The following NEK1 variants were observed in gnomAD, a reference collection of about 807,000 sequenced individuals.
NEK1 encodes the protein NIMA related kinase 1.
In NEK1, 137 loss-of-function variants were observed where a neutral mutation model predicts 182.1. The ratio of observed to expected loss-of-function variants is 0.75; its 90% confidence interval spans 0.65 to 0.87. The LOEUF is 0.87. NEK1 is among the 40% of genes least tolerant of loss of function. NEK1 has a pLI of 0.00. For missense variants in NEK1, 1,391 were observed against 1,494.4 expected (o/e 0.93, Z 1.14); for synonymous variants, 513 against 492.2 (o/e 1.04, Z -0.56).
At chr4:169,597,145 T>C (rs927100170) in intron 5 of NEK1, among the ~76,000 whole-genome samples, 2 of 152,234 alleles carry the variant, frequency 1.3e-5, no homozygotes, top group African/African-American at 4.8e-5. Flanking sequence ...CAATGAAATA[T>C]ATCTGACAAT....
At chr4:169,481,516 A>C (rs1054442846) in intron 23 of NEK1, among the ~76,000 whole-genome samples, 1 of 152,182 alleles carries the variant, frequency 6.6e-6, no homozygotes, top group East Asian at 1.9e-4. Context: ...AACAACATGA[A>C]TCTCTTTGTA....
intron 19 of NEK1, among the ~76,000 whole-genome samples, chr4:169,526,155 C>T (rs10006588): frequency 0.088 from 13,454 of 152,108 alleles, 786 homozygotes; most frequent in African/African-American, 0.16. Context: ...TTTTTTGTTT[C>T]AAAGTTTCAG....
chr4:169,537,603 CT>C (rs1437061444), intron 19 of NEK1, among the ~76,000 whole-genome samples: 1 of 152,260 alleles, frequency 6.6e-6, no homozygotes, highest in African/African-American at 2.4e-5. Context: ...AATTCCACCC[CT>C]GGTATAAAAG....
chr4:169,561,827 A>C lies in NEK1; in HGVS notation c.1140+5T>G, dbSNP rs1561417405. On this transcript the variant is annotated splice_donor_5th_base_variant and intron_variant, in intron 14 of 35. Transcript: ENST00000507142. ...AAAGGTAGAAAAACAAGAGCAAAAA[A>C]CTACCTGATCCTTTTGTTTCTTTTC... The C allele has an allele frequency of 6.2e-7, 1 of 1,609,940 alleles. No homozygotes were observed. The highest frequency in any genetic ancestry group is 2.2e-5 in the East Asian group (1 of 44,732).
At chr4:169,536,632 C>CT (rs1396559365) in intron 19 of NEK1, among the ~76,000 whole-genome samples, 1 of 151,288 alleles carries the variant, frequency 6.6e-6, no homozygotes, top group Non-Finnish European at 1.5e-5. Context: ...GAAAGTTCCT[C>CT]TAAAAAAAAA....
chr4:169,401,500 A>G (rs536998360), intron 33 of NEK1, among the ~76,000 whole-genome samples, 152 bp downstream of exon 33: 21 of 152,368 alleles, frequency 1.4e-4, no homozygotes, highest in Admixed American at 1.2e-3. Context: ...TTGTATGAAA[A>G]GAAAAAGAAT....
At chr4:169,578,941 T>C (rs1278107672) in intron 11 of NEK1, among the ~76,000 whole-genome samples, 1 of 152,072 alleles carries the variant, frequency 6.6e-6, no homozygotes, top group Non-Finnish European at 1.5e-5. Flanking sequence ...AATTAGAACA[T>C]ACACATACAC....
At chr4:169,454,098 A>G (rs1742375897) in intron 27 of NEK1, among the ~76,000 whole-genome samples, 1 of 152,236 alleles carries the variant, frequency 6.6e-6, no homozygotes, top group Non-Finnish European at 1.5e-5. Flanking sequence ...CCTATTTAAT[A>G]AATGGTGCTG....
At chr4:169,541,582 G>C (rs1324613996) in intron 18 of NEK1, among the ~76,000 whole-genome samples, 1 of 152,116 alleles carries the variant, frequency 6.6e-6, no homozygotes, top group Non-Finnish European at 1.5e-5. Flanking sequence ...TCAGTTTGCT[G>C]ATTCAGTTTG....
Position 169,536,592 on chromosome 4 carries a change from C to T in NEK1, c.1665+1217G>A, listed in dbSNP as rs1758548413. On this transcript the variant is annotated intron_variant, in intron 19 of 35. Coordinates refer to ENST00000507142, the MANE Select transcript of NEK1 (RefSeq NM_001199397.3). ...ACAAATTATCATTCAAGCATGAGGACAAAATAAGAGCATTTTCCAATAAAT... is the reference window on the plus strand; with the variant it reads ...ACAAATTATCATTCAAGCATGAGGATAAAATAAGAGCATTTTCCAATAAAT... Among the ~76,000 whole-genome samples the T allele has an allele frequency of 2.7e-5, 4 of 150,590 alleles. No homozygotes were observed. In the South Asian group the frequency reaches 8.3e-4, roughly 31 times the overall value.
At chr4:169,395,699 T>C (rs545934444) in intron 35 of NEK1, among the ~76,000 whole-genome samples, 61 of 152,352 alleles carry the variant, frequency 4.0e-4, no homozygotes, top group African/African-American at 1.4e-3. Context: ...AGCTAACTTT[T>C]GGCCATAGTG....
intron 18 of NEK1, among the ~76,000 whole-genome samples, chr4:169,538,763 T>C (rs1561371347): frequency 6.6e-6 from 1 of 151,402 alleles, no homozygotes; most frequent in Non-Finnish European, 1.5e-5. Flanking sequence ...CACAGAAACT[T>C]CCTATAAAGA....
intron 2 of NEK1, among the ~76,000 whole-genome samples, chr4:169,604,489 TA>T (rs1771008131): frequency 6.6e-6 from 1 of 152,252 alleles, no homozygotes; most frequent in Non-Finnish European, 1.5e-5. Flanking sequence ...TGCTCTTTTT[TA>T]TTTCCATTCA....
intron 13 of NEK1, 29 bp from the exon 14 acceptor site, chr4:169,561,920 CATA>C: frequency 6.4e-7 from 1 of 1,558,842 alleles, no homozygotes; most frequent in Non-Finnish European, 8.7e-7. Context: ...CATTTTAATC[CATA>C]ATAATTCCTG....
chr4:169,587,521 A>G, intron 9 of NEK1, 38 bp downstream of exon 9: 1 of 1,161,942 alleles, frequency 8.6e-7, no homozygotes, highest in South Asian at 1.6e-5. Context: ...GTCGCTTTTT[A>G]ACATAACTTT....
Position 169,521,350 on chromosome 4 carries a change from C to T in NEK1, c.1666-12498G>A, listed in dbSNP as rs1001481820. On this transcript the variant is annotated intron_variant, in intron 19 of 35. Transcript: ENST00000507142. ...TGCGCTTCCCAGGTGAGGCAATGCT[C>T]GCCCTGCTTCGGCTCGCGCACGGTG... 2.1e-4 allele frequency among the ~76,000 whole-genome samples: 20 copies of T among 95,974 alleles called. No individual in the cohort carries two copies. In the East Asian group the frequency reaches 4.5e-3, roughly 22 times the overall value. 63.0% of individuals were successfully genotyped at this position (95,974 alleles called of 152,430 possible).
At chr4:169,464,423 T>C (rs1382265942) in intron 26 of NEK1, among the ~76,000 whole-genome samples, 1 of 152,208 alleles carries the variant, frequency 6.6e-6, no homozygotes, top group Non-Finnish European at 1.5e-5. Flanking sequence ...GAAGGTATTC[T>C]ATCAGATAGC....
At chr4:169,610,730 A>G (rs1772179578) in intron 2 of NEK1, among the ~76,000 whole-genome samples, 1 of 152,232 alleles carries the variant, frequency 6.6e-6, no homozygotes, top group Non-Finnish European at 1.5e-5. Context: ...ATCAATCTGG[A>G]ACACATACTT....
chr4:169,607,191 G>T (rs1261891461), intron 2 of NEK1, among the ~76,000 whole-genome samples: 1 of 152,210 alleles, frequency 6.6e-6, no homozygotes, highest in African/African-American at 2.4e-5. Context: ...TCATCAGACT[G>T]CCAAAACAAA....
Sources: gnomAD v4.1 joint callset for allele counts (sites outside exome capture counted in the v4.1 genomes callset) on GRCh38, gnomAD v4.1.1 for gene constraint, MANE v1.5 for transcripts, NCBI Gene and HGNC (gene_info 2026-07-23, HGNC 2026-07-21) for gene names.